PPARGC1A: variants seen among roughly 807,000 people sequenced by gnomAD.
PPARGC1A encodes PPARG coactivator 1 alpha, also known as peroxisome proliferator-activated receptor gamma coactivator 1-alpha.
A neutral mutation model predicts 88.7 loss-of-function variants in PPARGC1A; 25 were observed. The ratio of observed to expected loss-of-function variants is 0.28; its 90% CI spans 0.21 to 0.39. The LOEUF (loss-of-function observed/expected upper bound fraction) is 0.39, where lower values mean the gene tolerates loss of function less well. Ranked by LOEUF, PPARGC1A falls within the 10% of genes least tolerant of loss-of-function variation. The probability of loss-of-function intolerance (pLI) is 1.00; values close to 1 mark genes in which losing one functional copy is unlikely to be tolerated. For missense variants in PPARGC1A, 880 were observed against 968.7 expected, an observed-to-expected ratio of 0.91 and a Z score of 1.22; for synonymous variants, 363 against 355.6, an observed-to-expected ratio of 1.02 and a Z score of -0.24.
chr4:24,032,523 C>T, the PPARGC1A span, among the ~76,000 whole-genome samples: 1 of 152,214 alleles, frequency 6.6e-6, no homozygotes, highest in Admixed American at 6.5e-5. Flanking sequence ...CACCTTCTGG[C>T]CTTTCAGACA....
chr4:24,071,652 A>G, the PPARGC1A span, among the ~76,000 whole-genome samples: 2,086 of 152,222 alleles, frequency 0.014, 50 homozygotes, highest in African/African-American at 0.047. Context: ...AGAGAAGAGA[A>G]CTACCTTATC....
At chr4:24,105,880 C>T in the PPARGC1A span, among the ~76,000 whole-genome samples, 1 of 152,172 alleles carries the variant, frequency 6.6e-6, no homozygotes, top group African/African-American at 2.4e-5. Context: ...GTGCATTACT[C>T]ACTTTGGCTG....
chr4:24,177,199 A>G, the PPARGC1A span, among the ~76,000 whole-genome samples: 1 of 152,242 alleles, frequency 6.6e-6, no homozygotes, highest in South Asian at 2.1e-4. Context: ...TCACAATAGT[A>G]AAGACTTGGA....
chr4:24,148,155 C>A, the PPARGC1A span, among the ~76,000 whole-genome samples: 2 of 152,134 alleles, frequency 1.3e-5, no homozygotes, highest in African/African-American at 4.8e-5. Context: ...CATTTCTCCC[C>A]CCACAAAAAC....
At chr4:24,185,416 A>T in the PPARGC1A span, among the ~76,000 whole-genome samples, 3 of 152,344 alleles carry the variant, frequency 2.0e-5, no homozygotes, top group East Asian at 5.8e-4. Context: ...AAAGAAAAAG[A>T]TAAGATGAGC....
the PPARGC1A span, among the ~76,000 whole-genome samples, chr4:24,026,895 T>C: frequency 6.6e-6 from 1 of 152,172 alleles, no homozygotes; most frequent in South Asian, 2.1e-4. Flanking sequence ...ATAACGTGCC[T>C]TAAATTGCTC....
chr4:24,254,416 C>T, the PPARGC1A span, among the ~76,000 whole-genome samples: 10 of 152,174 alleles, frequency 6.6e-5, no homozygotes, highest in African/African-American at 2.2e-4. Flanking sequence ...CCCAGAGAGG[C>T]ACTCCCCAGT....
the PPARGC1A span, among the ~76,000 whole-genome samples, chr4:24,225,650 T>A: frequency 6.6e-6 from 1 of 151,720 alleles, no homozygotes; most frequent in Non-Finnish European, 1.5e-5. Context: ...GCCTATGGTA[T>A]GTGCTAGAAA....
the PPARGC1A span, among the ~76,000 whole-genome samples, chr4:24,325,121 C>T: frequency 3.5e-4 from 54 of 152,300 alleles, no homozygotes; most frequent in South Asian, 2.1e-3. Flanking sequence ...AGCGTTTAGG[C>T]TCTTTTTCAT....
the PPARGC1A span, among the ~76,000 whole-genome samples, chr4:24,178,771 T>C: frequency 6.6e-6 from 1 of 152,210 alleles, no homozygotes; most frequent in East Asian, 1.9e-4. Flanking sequence ...CTGCCGATAA[T>C]GAAGCACTCA....
chr4:24,082,437 T>G, the PPARGC1A span, among the ~76,000 whole-genome samples: 1 of 152,108 alleles, frequency 6.6e-6, no homozygotes, highest in Non-Finnish European at 1.5e-5. Flanking sequence ...GGCCAGTCAT[T>G]TCTTTTATAC....
At chr4:24,471,099 G>A in the PPARGC1A span, among the ~76,000 whole-genome samples, 1 of 151,612 alleles carries the variant, frequency 6.6e-6, no homozygotes, top group African/African-American at 2.4e-5. This position sits in a 1 kb window ranked among gnomAD's most constrained non-coding sequence, Gnocchi z 5.4. Context: ...CCGGAGGAGA[G>A]GCGCCGCGGA....
chr4:24,367,191 G>A, the PPARGC1A span, among the ~76,000 whole-genome samples: 7 of 151,844 alleles, frequency 4.6e-5, no homozygotes, highest in Non-Finnish European at 2.9e-5. Flanking sequence ...AAGGAAAAGT[G>A]GGCATCCCAG....
chr4:24,265,900 GAGAGA>G, the PPARGC1A span, among the ~76,000 whole-genome samples: 2 of 142,854 alleles, frequency 1.4e-5, no homozygotes, highest in African/African-American at 5.5e-5. Flanking sequence ...AAGGGGAAAG[GAGAGA>G]GGAAAGGACT....
the PPARGC1A span, among the ~76,000 whole-genome samples, chr4:23,983,896 T>C: frequency 0.83 from 126,004 of 151,914 alleles, 52,365 homozygotes; most frequent in Non-Finnish European, 0.84. Flanking sequence ...CCCATCTCTC[T>C]TTCCTTTATT....
upstream of PPARGC1A, chr4:23,899,381 T>G (rs1431332675): frequency 6.6e-6 from 1 of 152,242 alleles, no homozygotes; most frequent in African/African-American, 2.4e-5. Context: ...TCCTGCATTG[T>G]GTTATGCTTT....
chr4:24,302,479 C>T, the PPARGC1A span, among the ~76,000 whole-genome samples: 2 of 152,158 alleles, frequency 1.3e-5, no homozygotes, highest in Admixed American at 6.5e-5. Context: ...TGTCTTAAAC[C>T]GGGGCACTTT....
intron 2 of PPARGC1A, among the ~76,000 whole-genome samples, chr4:23,856,668 T>C (rs1730241763): frequency 6.6e-6 from 1 of 152,180 alleles, no homozygotes. Flanking sequence ...GTGCATATCA[T>C]GTGCTAGAAA....
the PPARGC1A span, among the ~76,000 whole-genome samples, chr4:24,465,921 A>T: frequency 6.6e-6 from 1 of 152,226 alleles, no homozygotes; most frequent in African/African-American, 2.4e-5. Flanking sequence ...GGATTAGCTC[A>T]TGACAGTGTA....
Sources: gnomAD v4.1 joint callset for allele counts (sites outside exome capture counted in the v4.1 genomes callset) on GRCh38, gnomAD v4.1.1 for gene constraint, Gnocchi (gnomAD v3.1) non-coding constraint, MANE v1.5 for transcripts, NCBI Gene and HGNC (gene_info 2026-07-23, HGNC 2026-07-21) for gene names.